SLC14A2: variants seen among roughly 807,000 people sequenced by gnomAD.
SLC14A2 encodes the protein urea transporter 2.
In SLC14A2, 91 loss-of-function variants were observed where a neutral mutation model predicts 104.6. The ratio of observed to expected loss-of-function variants is 0.87; its 90% CI spans 0.73 to 1.04. SLC14A2 has a LOEUF of 1.04. SLC14A2 is among the 50% of genes least tolerant of loss of function. The pLI is 0.00. For missense variants in SLC14A2, 1,189 were observed against 1,156.0 expected (o/e 1.03, Z -0.41); for synonymous variants, 476 against 466.4 (o/e 1.02, Z -0.27).
chr18:45,265,361 T>G (rs1344160038), intron 1 of SLC14A2, among the ~76,000 whole-genome samples: 1 of 152,140 alleles, frequency 6.6e-6, no homozygotes, highest in East Asian at 1.9e-4. Flanking sequence ...GGCCCAACAA[T>G]TAAATGGGCC....
At chr18:45,429,713 G>A (rs902636918) in intron 1 of SLC14A2, among the ~76,000 whole-genome samples, 3 of 152,178 alleles carry the variant, frequency 2.0e-5, no homozygotes, top group African/African-American at 4.8e-5. Context: ...AAAGACAGAA[G>A]TGCGTGAGTT....
At position 45,569,456 on chromosome 18, in the gene SLC14A2, T is replaced by C. The variant is rs565914718; in HGVS notation, c.-34-55175T>C. ...TACTATGAGCTTCCTCCTTACAAAA[T>C]AAAATTCAAGATTTAGAGATCCAAT... On this transcript the variant is annotated intron_variant, in intron 2 of 20. Transcript: ENST00000586448. Among the ~76,000 whole-genome samples, 27 of 152,314 alleles carry C rather than the reference T, an allele frequency of 1.8e-4. No homozygotes were observed. In the South Asian group the frequency reaches 3.3e-3, roughly 19 times the overall value.
At chr18:45,475,654 T>TATATATATATATATATTTAGG (rs2087357108) in intron 1 of SLC14A2, among the ~76,000 whole-genome samples, 5 of 53,580 alleles carry the variant, frequency 9.3e-5, no homozygotes, top group African/African-American at 3.3e-4. Flanking sequence ...TATATATATA[T>TATATATATATATATATTTAGG]ATATATATAT....
At chr18:45,522,844 C>CTA (rs1350741256) in intron 2 of SLC14A2, among the ~76,000 whole-genome samples, 7 of 152,172 alleles carry the variant, frequency 4.6e-5, no homozygotes, top group Non-Finnish European at 1.0e-4. Flanking sequence ...ACCAAACCAG[C>CTA]TATACCCTGT....
intron 1 of SLC14A2, among the ~76,000 whole-genome samples, chr18:45,214,840 GTAC>G (rs754799123): frequency 7.4e-5 from 11 of 149,466 alleles, no homozygotes; most frequent in Non-Finnish European, 1.5e-4. Context: ...TCCAGACTAG[GTAC>G]TGGGAATAAT....
intron 10 of SLC14A2, among the ~76,000 whole-genome samples, chr18:45,663,090 T>C (rs377515819): frequency 1.3e-5 from 2 of 152,282 alleles, no homozygotes. Flanking sequence ...TAGCTCCCCA[T>C]AAATTGGTAT....
intron 1 of SLC14A2, among the ~76,000 whole-genome samples, chr18:45,254,864 T>C (rs924170696): frequency 5.3e-5 from 8 of 152,104 alleles, no homozygotes; most frequent in Admixed American, 2.6e-4. Context: ...CAAGCTGGGC[T>C]TTGCCAAACC....
intron 1 of SLC14A2, among the ~76,000 whole-genome samples, chr18:45,275,146 TGTG>T (rs2084689331): frequency 1.3e-5 from 2 of 152,192 alleles, no homozygotes; most frequent in African/African-American, 4.8e-5. Context: ...TCAGGGAACA[TGTG>T]GTAGTTTCAC....
At chr18:45,235,927 A>G (rs28859350) in intron 1 of SLC14A2, among the ~76,000 whole-genome samples, 3,077 of 89,352 alleles carry the variant, frequency 0.034, 168 homozygotes, top group East Asian at 0.049. Context: ...ATGTGTGTAT[A>G]TATGTATATA....
chr18:45,545,117 G>A (rs140382680), intron 2 of SLC14A2, among the ~76,000 whole-genome samples: 7 of 152,264 alleles, frequency 4.6e-5, no homozygotes, highest in Non-Finnish European at 5.9e-5. Flanking sequence ...TAATGGTTAC[G>A]TGATAATTTG....
At chr18:45,397,624 C>T (rs902722118) in intron 1 of SLC14A2, among the ~76,000 whole-genome samples, 2 of 152,100 alleles carry the variant, frequency 1.3e-5, no homozygotes, top group South Asian at 2.1e-4. Flanking sequence ...TGTCTGTTTA[C>T]GCTGTTGATA....
chr18:45,534,115 G>A (rs1024117648), intron 2 of SLC14A2, among the ~76,000 whole-genome samples: 4 of 152,172 alleles, frequency 2.6e-5, no homozygotes, highest in African/African-American at 9.7e-5. Context: ...ATTTTGCTTG[G>A]GAAGGTGCTT....
At chr18:45,660,661 T>C (rs1431605429) in intron 10 of SLC14A2, among the ~76,000 whole-genome samples, 1 of 152,208 alleles carries the variant, frequency 6.6e-6, no homozygotes, top group African/African-American at 2.4e-5. Context: ...ATTATGTGAC[T>C]TGCAAAACAC....
At chr18:45,666,354 T>A in intron 12 of SLC14A2, 135 bp downstream of exon 12, 1 of 605,608 alleles carries the variant, frequency 1.7e-6, no homozygotes, top group Non-Finnish European at 3.0e-6. Context: ...TTCTGAAATG[T>A]AATTACCTGG....
intron 2 of SLC14A2, among the ~76,000 whole-genome samples, chr18:45,581,086 C>A (rs939520284): frequency 6.6e-6 from 1 of 152,160 alleles, no homozygotes; most frequent in African/African-American, 2.4e-5. Context: ...TTCCTGCTTT[C>A]TCCATGAATT....
the SLC14A2 span, among the ~76,000 whole-genome samples, chr18:45,188,513 C>A: frequency 2.0e-5 from 3 of 152,196 alleles, no homozygotes; most frequent in South Asian, 2.1e-4. Context: ...CTACCCTTAT[C>A]TCTGTATTCC....
At chr18:45,367,106 T>G (rs1026477406) in intron 1 of SLC14A2, among the ~76,000 whole-genome samples, 2 of 152,166 alleles carry the variant, frequency 1.3e-5, no homozygotes, top group African/African-American at 4.8e-5. Context: ...GTCAGTTTGG[T>G]TTTATATTTT....
chr18:45,412,807 C>T (rs2086228483), intron 1 of SLC14A2, among the ~76,000 whole-genome samples: 1 of 152,108 alleles, frequency 6.6e-6, no homozygotes, highest in Admixed American at 6.6e-5. Context: ...CAACCAAATG[C>T]TCATATGGCC....
At chr18:45,527,632 G>A (rs116938454) in intron 2 of SLC14A2, among the ~76,000 whole-genome samples, 3,946 of 152,234 alleles carry the variant, frequency 0.026, 83 homozygotes, top group South Asian at 0.041. Context: ...CAAAGTCTCA[G>A]GTTAAGTTCT....
Sources: allele counts gnomAD v4.1 joint callset (sites outside exome capture counted in the v4.1 genomes callset), GRCh38; gene constraint gnomAD v4.1.1; transcripts MANE v1.5; gene names NCBI Gene and HGNC (gene_info 2026-07-23, HGNC 2026-07-21).